Variants in RGS22 observed in about 807,000 individuals in gnomAD.
RGS22 encodes regulator of G-protein signaling 22.
RGS22 carries 148 observed loss-of-function variants against 172.9 expected under a neutral mutation model. The observed-to-expected ratio is 0.86, with a 90% confidence interval of 0.75 to 0.98. RGS22 has a LOEUF of 0.98. Among genes scored for constraint, RGS22 ranks in the 50% least tolerant of loss-of-function variants. The pLI, the probability that RGS22 is intolerant of heterozygous loss-of-function variation, is 0.00. For missense variants in RGS22, 1,347 were observed against 1,440.8 expected (o/e 0.93, Z 1.05); for synonymous variants, 458 against 480.2 (o/e 0.95, Z 0.60).
chr8:99,996,271 GA>G (rs1207762950), intron 20 of RGS22, among the ~76,000 whole-genome samples, 190 bp downstream of exon 20: 7 of 152,048 alleles, frequency 4.6e-5, no homozygotes, highest in Admixed American at 4.6e-4. Flanking sequence ...TATAAAAAAA[GA>G]ACAGAGTTCT....
intron 21 of RGS22, 94 bp from the exon 22 acceptor site, chr8:99,982,210 A>G: frequency 1.0e-6 from 1 of 974,888 alleles, no homozygotes; most frequent in East Asian, 2.9e-5. Flanking sequence ...TAATATATGC[A>G]TTTCAACTTT....
intron 2 of RGS22, among the ~76,000 whole-genome samples, chr8:100,095,917 A>G (rs989044605): frequency 6.6e-6 from 1 of 152,242 alleles, no homozygotes; most frequent in Non-Finnish European, 1.5e-5. Context: ...CACAATGGGA[A>G]ATAAGTGTTG....
intron 24 of RGS22, among the ~76,000 whole-genome samples, chr8:99,964,642 C>T (rs1170241642): frequency 6.6e-6 from 1 of 152,134 alleles, no homozygotes; most frequent in Admixed American, 6.6e-5. Flanking sequence ...TTAGATATCT[C>T]TTTCAGTATA....
At chr8:100,016,237 T>C (rs1229724356) in intron 14 of RGS22, among the ~76,000 whole-genome samples, 3 of 152,172 alleles carry the variant, frequency 2.0e-5, no homozygotes, top group Middle Eastern at 3.2e-3. Flanking sequence ...AAACCAAGAA[T>C]ATACAATTTA....
chr8:100,041,656 T>C (rs1820136194), intron 12 of RGS22, 146 bp downstream of exon 12: 3 of 541,010 alleles, frequency 5.5e-6, no homozygotes, highest in Non-Finnish European at 9.8e-6. Flanking sequence ...AATATTTGTG[T>C]AAAAATCCTT....
Position 100,039,039 on chromosome 8 carries a change from A to G in RGS22, c.2065-7T>C. 1.3e-6 allele frequency: 2 copies of G among 1,536,240 alleles called. No individual in the cohort carries two copies. The highest frequency in any genetic ancestry group is 2.3e-5 in the East Asian group (1 of 44,276). On this transcript the variant is annotated splice_region_variant and splice_polypyrimidine_tract_variant and intron_variant, in intron 13 of 27. Transcript: ENST00000360863. Reference sequence around the variant, plus strand: ...ACACACTGTTCTTCCACAACTACAGATGGAAAAAGTACATAAATTATTACC... The same window carrying G: ...ACACACTGTTCTTCCACAACTACAGGTGGAAAAAGTACATAAATTATTACC...
chr8:100,042,436 T>C (rs1423089387), intron 11 of RGS22, among the ~76,000 whole-genome samples: 1 of 152,150 alleles, frequency 6.6e-6, no homozygotes, highest in Non-Finnish European at 1.5e-5. Context: ...ATATACTACA[T>C]ACCAAACACT....
intron 6 of RGS22, among the ~76,000 whole-genome samples, chr8:100,068,595 AT>A (rs1305433704): frequency 6.6e-6 from 1 of 152,080 alleles, no homozygotes; most frequent in Non-Finnish European, 1.5e-5. Flanking sequence ...ATGAGTACAT[AT>A]TTTTTAGGAC....
intron 21 of RGS22, among the ~76,000 whole-genome samples, chr8:99,986,944 T>A (rs1361001450): frequency 6.6e-6 from 1 of 152,138 alleles, no homozygotes; most frequent in African/African-American, 2.4e-5. Context: ...TAAAACTCTC[T>A]GCAGGAAGGT....
intron 22 of RGS22, among the ~76,000 whole-genome samples, chr8:99,978,386 T>G (rs541985997): frequency 6.6e-6 from 1 of 152,302 alleles, no homozygotes; most frequent in East Asian, 1.9e-4. Flanking sequence ...AATAAGAAAT[T>G]TATGTTTTCT....
chr8:100,050,973 T>C (rs955136522), intron 10 of RGS22: 11 of 152,082 alleles, frequency 7.2e-5, no homozygotes, highest in African/African-American at 2.7e-4. Flanking sequence ...GTAATAAATA[T>C]AGTAAAGCAA....
intron 2 of RGS22, among the ~76,000 whole-genome samples, chr8:100,098,922 TTTTA>T (rs1813245576): frequency 1.6e-5 from 2 of 127,480 alleles, no homozygotes; most frequent in Non-Finnish European, 3.2e-5. Flanking sequence ...TTTTATTTTA[TTTTA>T]TTTATTTTTT....
chr8:100,073,854 T>C (rs917330266), intron 4 of RGS22, among the ~76,000 whole-genome samples: 7 of 152,066 alleles, frequency 4.6e-5, no homozygotes, highest in African/African-American at 1.7e-4. Context: ...AAAAATAAAA[T>C]GAATTAAAAA....
At chr8:100,073,237 A>G (rs1215601927) in intron 4 of RGS22, among the ~76,000 whole-genome samples, 2 of 152,202 alleles carry the variant, frequency 1.3e-5, no homozygotes, top group African/African-American at 4.8e-5. Context: ...ATGATATTGC[A>G]TAAGAGTTAA....
At chr8:100,088,226 T>C (rs1031917362) in intron 3 of RGS22, among the ~76,000 whole-genome samples, 7 of 152,072 alleles carry the variant, frequency 4.6e-5, no homozygotes, top group Non-Finnish European at 4.4e-5. Context: ...TATGGTAAAA[T>C]TTCAACAGCA....
At chr8:100,030,079 TAC>T (rs1189476507) in intron 14 of RGS22, among the ~76,000 whole-genome samples, 1 of 152,216 alleles carries the variant, frequency 6.6e-6, no homozygotes, top group Non-Finnish European at 1.5e-5. Flanking sequence ...ACATGAAATA[TAC>T]AGTCATGTGC....
chr8:100,049,822 C>A (rs989035734), intron 10 of RGS22, among the ~76,000 whole-genome samples: 3 of 151,994 alleles, frequency 2.0e-5, no homozygotes, highest in South Asian at 4.2e-4. Flanking sequence ...CCAAGGCGGG[C>A]AGATCACCTG....
intron 15 of RGS22, among the ~76,000 whole-genome samples, chr8:100,006,412 T>C (rs945045830): frequency 5.7e-4 from 87 of 152,174 alleles, no homozygotes; most frequent in African/African-American, 2.0e-3. Context: ...TCAATATAAC[T>C]TGATAATAGT....
intron 23 of RGS22, among the ~76,000 whole-genome samples, chr8:99,972,609 C>T (rs1475550709): frequency 3.9e-5 from 6 of 152,168 alleles, no homozygotes; most frequent in Non-Finnish European, 8.8e-5. Flanking sequence ...ACAGACACTT[C>T]TCAAAAGAAG....
Sources: allele counts gnomAD v4.1 joint callset (sites outside exome capture counted in the v4.1 genomes callset), GRCh38; gene constraint gnomAD v4.1.1; transcripts MANE v1.5; gene names NCBI Gene and HGNC (gene_info 2026-07-23, HGNC 2026-07-21).